SLC45A1: variants seen among roughly 807,000 people sequenced by gnomAD.
The protein encoded by SLC45A1 is solute carrier family 45 member 1.
Under a neutral mutation model 57.6 loss-of-function variants are expected in SLC45A1, and 28 were observed. The observed-to-expected ratio is 0.49, with a 90% CI of 0.36 to 0.67. The LOEUF is 0.67. Ranked by LOEUF, SLC45A1 falls within the 30% of genes least tolerant of loss-of-function variation. The pLI is 0.00. For missense variants in SLC45A1, 814 were observed against 1,041.5 expected (o/e 0.78, Z 3.01); for synonymous variants, 459 against 471.5 (o/e 0.97, Z 0.34).
intron 1 of SLC45A1, 131 bp from the exon 2 acceptor site, chr1:8,324,175 C>T: frequency 1.2e-6 from 1 of 839,750 alleles, no homozygotes. Context: ...CCCGGAGCAT[C>T]AACCATGAGC....
intron 8 of SLC45A1, among the ~76,000 whole-genome samples, chr1:8,342,018 T>C (rs983856666): frequency 3.9e-5 from 6 of 152,114 alleles, no homozygotes; most frequent in Non-Finnish European, 7.4e-5. Context: ...CCATCCTGGC[T>C]AACACAGTGA....
At chr1:8,320,680 T>A (rs1397845936) in intron 1 of SLC45A1, among the ~76,000 whole-genome samples, 2 of 84,490 alleles carry the variant, frequency 2.4e-5, no homozygotes, top group African/African-American at 1.1e-4. Context: ...TCTCTCTGTT[T>A]CTCTCTCTCT....
At chr1:8,342,087 G>A (rs1005145563) in intron 8 of SLC45A1, among the ~76,000 whole-genome samples, 1 of 150,518 alleles carries the variant, frequency 6.6e-6, no homozygotes, top group Non-Finnish European at 1.5e-5. Flanking sequence ...GGCGCCTGTA[G>A]TCCCAGCTAC....
chr1:8,323,703 G>A (rs544559442), intron 1 of SLC45A1, among the ~76,000 whole-genome samples: 1 of 152,202 alleles, frequency 6.6e-6, no homozygotes, highest in Non-Finnish European at 1.5e-5. Flanking sequence ...TGAAGGAAAA[G>A]GGTTTGTGTT....
intron 1 of SLC45A1, among the ~76,000 whole-genome samples, chr1:8,322,968 AAC>A (rs1403851076): frequency 6.6e-6 from 1 of 152,166 alleles, no homozygotes; most frequent in East Asian, 1.9e-4. Context: ...CATCGGCTAA[AAC>A]ACACAAGCTA....
chr1:8,335,292 C>T lies in SLC45A1; in HGVS notation c.1444-145C>T, dbSNP rs1475178409. 13 of 781,862 alleles carry T rather than the reference C, an allele frequency of 1.7e-5. No homozygotes were observed. Among genetic ancestry groups the T allele is most frequent in the African/African-American group, 7.2e-5 (4 of 55,852 alleles). 48.4% of individuals were successfully genotyped at this position (781,862 alleles called of 1,614,324 possible). On this transcript the variant is annotated intron_variant, in intron 5 of 8. Transcript: ENST00000471889. This position sits in a 1 kb window ranked among gnomAD's most constrained non-coding sequence, Gnocchi z 4.1. ...TGTTCCTCTGAGGTTGGCGTCGACA[C>T]GGGGCTCATGCCGTCAGATAAGAAG...
Position 8,335,158 on chromosome 1 carries a change from A to T in SLC45A1, c.1444-279A>T, listed in dbSNP as rs1246717463. Among the ~76,000 whole-genome samples the T allele has an allele frequency of 2.0e-5, 3 of 152,178 alleles. No homozygotes were observed. Among genetic ancestry groups the T allele is most frequent in the East Asian group, 3.9e-4 (2 of 5,188 alleles). ...TGTATTTTGCATTTTGCAAAGTCTT[A>T]TCTCACTCCCTGTGGCACAGATAGT... On this transcript the variant is annotated intron_variant, in intron 5 of 8. Transcript: ENST00000471889. The surrounding 1 kb of genome is among the most constrained non-coding windows in gnomAD (Gnocchi z 4.1).
intron 1 of SLC45A1, among the ~76,000 whole-genome samples, chr1:8,322,061 G>A: frequency 7.7e-6 from 1 of 130,582 alleles, no homozygotes; most frequent in Non-Finnish European, 1.7e-5. Flanking sequence ...ATGGATGGAT[G>A]GGTGGGTGGG....
At chr1:8,342,185 C>A (rs754806531) in intron 8 of SLC45A1, among the ~76,000 whole-genome samples, 12 of 152,228 alleles carry the variant, frequency 7.9e-5, no homozygotes, top group East Asian at 1.9e-4. Flanking sequence ...CCAGCCTGGG[C>A]GACAGAGTGA....
At chr1:8,319,529 A>G (rs1042560869) in intron 1 of SLC45A1, among the ~76,000 whole-genome samples, 1 of 152,090 alleles carries the variant, frequency 6.6e-6, no homozygotes, top group Admixed American at 6.6e-5. Context: ...AGCACAGTGG[A>G]CCCCTTGCAT....
chr1:8,330,275 C>T lies in SLC45A1; in HGVS notation c.782C>T (p.Ala261Val), dbSNP rs1382121212. ...TGGGATAAAACGGGCTTCGGGAGGG[C>T]CCTGGGGGGACAGCTCCGAGTCATT... Reference protein sequence around the residue: ...IHWDKTGFGRALGGQLRVIYL... With the variant: ...IHWDKTGFGRVLGGQLRVIYL... Residue 261 changes from alanine to valine, a missense_variant, in exon 5 of 9, where the codon GCC becomes GTC. Physicochemically the swap from Ala to Val is moderately conservative, Grantham distance 64. Transcript: ENST00000471889. The surrounding 1 kb of genome is among the most constrained non-coding windows in gnomAD (Gnocchi z 8.4). The T allele has an allele frequency of 6.2e-7, 1 of 1,613,896 alleles. No individual in the cohort carries two copies. The highest frequency in any genetic ancestry group is 8.5e-7 in the Non-Finnish European group (1 of 1,179,988).
At position 8,324,380 on chromosome 1, in the gene SLC45A1, C is replaced by T. The variant is rs767937366; in HGVS notation, c.51C>T (p.Ser17=). 2.5e-5 allele frequency: 40 copies of T among 1,612,672 alleles called. No homozygotes were observed. Among genetic ancestry groups the T allele is most frequent in the African/African-American group, 5.3e-5 (4 of 74,872 alleles). Reference sequence around the variant, plus strand: ...CGCCGGGAGATGCCCTCTTCCCCAGCGTGGCCCCACAGGACTTCTGGAGGT... The same window carrying T: ...CGCCGGGAGATGCCCTCTTCCCCAGTGTGGCCCCACAGGACTTCTGGAGGT... ...STPPGDALFP[S]VAPQDFWRSQ... The change falls in exon 2 of 9, where the codon AGC becomes AGT. Residue 17 remains serine (S), a synonymous_variant. Transcript: ENST00000471889.
chr1:8,329,213 C>T (rs1186205083), intron 4 of SLC45A1, among the ~76,000 whole-genome samples: 2 of 152,200 alleles, frequency 1.3e-5, no homozygotes, highest in Admixed American at 1.3e-4. Flanking sequence ...CAAGCCTGTC[C>T]ATAGAAGTTC....
Position 8,330,305 on chromosome 1 carries a change from T to C in SLC45A1, c.812T>C (p.Leu271Pro). Residue 271 changes from leucine to proline, a missense_variant, in exon 5 of 9, where the codon CTC becomes CCC. Leu to Pro is a moderately conservative substitution (Grantham distance 98). Transcript: ENST00000471889. This position sits in a 1 kb window ranked among gnomAD's most constrained non-coding sequence, Gnocchi z 8.4. ...ALGGQLRVIYLFTAVTLSVTT... is the reference protein window; with the variant it reads ...ALGGQLRVIYPFTAVTLSVTT... Reference sequence around the variant, plus strand: ...GGGGGACAGCTCCGAGTCATTTACCTCTTCACTGCGGTCACCCTGAGCGTC... The same window carrying C: ...GGGGGACAGCTCCGAGTCATTTACCCCTTCACTGCGGTCACCCTGAGCGTC... 1 of 1,613,728 alleles carries C rather than the reference T, an allele frequency of 6.2e-7. No individual in the cohort carries two copies. The highest frequency in any genetic ancestry group is 8.5e-7 in the Non-Finnish European group (1 of 1,179,970).
chr1:8,318,528 C>A (rs779877644), intron 1 of SLC45A1, among the ~76,000 whole-genome samples: 4 of 152,212 alleles, frequency 2.6e-5, no homozygotes, highest in Non-Finnish European at 5.9e-5. Flanking sequence ...AGGTGTCATC[C>A]GCTCCCGGCT....
In SLC45A1 at chr1:8,335,846, A is replaced by C. The variant is rs1640594384; in HGVS notation, c.1597+256A>C. 1.3e-5 allele frequency among the ~76,000 whole-genome samples: 2 copies of C among 149,864 alleles called. No individual in the cohort carries two copies. Among genetic ancestry groups the C allele is most frequent in the Admixed American group, 6.7e-5 (1 of 14,996 alleles). On this transcript the variant is annotated intron_variant, in intron 6 of 8. Coordinates refer to ENST00000471889, the MANE Select transcript of SLC45A1 (RefSeq NM_001080397.3). This position sits in a 1 kb window ranked among gnomAD's most constrained non-coding sequence, Gnocchi z 4.1. ...CCACATAGCTCACTCTGGGCCCGAC[A>C]CCTGGGTCCCCACAGAGCCAAAATT...
Position 8,330,797 on chromosome 1 carries a change from T to G in SLC45A1, c.1304T>G (p.Leu435Arg). ...ACCTCCGGCTGTGACGGGGACATTC[T>G]GAGGGTGGGCTCCTTGGACACCTCT... ...ALTSGCDGDILRVGSLDTSKP... is the reference protein window; with the variant it reads ...ALTSGCDGDIRRVGSLDTSKP... Residue 435 changes from leucine (L) to arginine (R), a missense_variant, in exon 5 of 9, where the codon CTG becomes CGG. Transcript: ENST00000471889. This position sits in a 1 kb window ranked among gnomAD's most constrained non-coding sequence, Gnocchi z 8.4. 1 of 1,613,474 alleles carries G rather than the reference T, an allele frequency of 6.2e-7. No homozygotes were observed. Among genetic ancestry groups the G allele is most frequent in the Non-Finnish European group, 8.5e-7 (1 of 1,180,040 alleles).
chr1:8,332,387 C>G (rs901739890), intron 5 of SLC45A1, among the ~76,000 whole-genome samples: 2 of 152,186 alleles, frequency 1.3e-5, no homozygotes, highest in Non-Finnish European at 1.5e-5. Context: ...GCAGCGCCAT[C>G]TTCCACGAAG....
chr1:8,321,420 A>G (rs1006519094), intron 1 of SLC45A1, among the ~76,000 whole-genome samples: 3 of 152,134 alleles, frequency 2.0e-5, no homozygotes, highest in Non-Finnish European at 4.4e-5. Context: ...CAAGGCTTCA[A>G]GGCCCTCCAT....
Sources: allele counts gnomAD v4.1 joint callset (sites outside exome capture counted in the v4.1 genomes callset), GRCh38; gene constraint gnomAD v4.1.1; non-coding constraint Gnocchi (gnomAD v3.1); transcripts MANE v1.5; gene names NCBI Gene and HGNC (gene_info 2026-07-23, HGNC 2026-07-21).